TRPC7: variants seen among roughly 807,000 people sequenced by gnomAD.
TRPC7 encodes the protein transient receptor potential cation channel subfamily C member 7.
Under a neutral mutation model 90.1 loss-of-function variants are expected in TRPC7, and 42 were observed. The ratio of observed to expected loss-of-function variants is 0.47; its 90% CI spans 0.36 to 0.60. The LOEUF (loss-of-function observed/expected upper bound fraction) is 0.60. TRPC7 is among the 20% of genes least tolerant of loss of function. The pLI is 0.00. For synonymous variants in TRPC7, 451 were observed against 436.3 expected, an observed-to-expected ratio of 1.03 and a Z score of -0.42; for missense variants, 955 against 1,112.3, an observed-to-expected ratio of 0.86 and a Z score of 2.01.
At chr5:136,300,077 C>A (rs1011972030) in intron 3 of TRPC7, among the ~76,000 whole-genome samples, 1 of 152,184 alleles carries the variant, frequency 6.6e-6, no homozygotes, top group African/African-American at 2.4e-5. Context: ...TCCTTTCATG[C>A]AACTACTTAG....
rs763976807 is a variant in TRPC7, at chr5:136,356,747, T to C, written c.641A>G (p.His214Arg). ...TEKQRKDSFS[H>R]SRSRMNAYKG... ...GTAGGCGTTCATGCGCGAGCGCGAG[T>C]GGCTGAAGGAGTCTTTCCGCTGTTT... Residue 214 changes from histidine (H) to arginine (R), a missense_variant, in exon 2 of 12, where the codon CAC becomes CGC. Physicochemically the swap from His to Arg is conservative, Grantham distance 29. Around this residue, in one of 4 missense-constraint regions of TRPC7, gnomAD observed 484 missense variants for 509.6 expected, o/e 0.95. Coordinates refer to ENST00000513104, the MANE Select transcript of TRPC7 (RefSeq NM_020389.3). The C allele has an allele frequency of 6.2e-6, 10 of 1,612,184 alleles. No homozygotes were observed. The highest frequency in any genetic ancestry group is 7.6e-6 in the Non-Finnish European group (9 of 1,178,872).
intron 2 of TRPC7, among the ~76,000 whole-genome samples, chr5:136,334,203 T>A (rs1759582677): frequency 1.3e-5 from 2 of 152,204 alleles, no homozygotes; most frequent in Non-Finnish European, 2.9e-5. Context: ...GAAGATTGTG[T>A]CATGACTCAT....
chr5:136,330,347 C>A (rs536536879), intron 2 of TRPC7, among the ~76,000 whole-genome samples: 1 of 152,360 alleles, frequency 6.6e-6, no homozygotes, highest in Admixed American at 6.5e-5. Flanking sequence ...ATTCTCATGA[C>A]AAACCTAGGA....
chr5:136,243,554 G>C (rs1756236090), intron 7 of TRPC7, among the ~76,000 whole-genome samples: 1 of 152,100 alleles, frequency 6.6e-6, no homozygotes. Flanking sequence ...GGGATGGGCT[G>C]CTCTGGAGCA....
intron 3 of TRPC7, among the ~76,000 whole-genome samples, chr5:136,291,749 C>A (rs1462058267): frequency 6.6e-6 from 1 of 152,260 alleles, no homozygotes; most frequent in Admixed American, 6.5e-5. Flanking sequence ...AGAAAGTTAA[C>A]AAGGATATCC....
Position 136,247,221 on chromosome 5 carries a change from G to T in TRPC7, c.1844+250C>A, listed in dbSNP as rs1756368475. Among the ~76,000 whole-genome samples the T allele has an allele frequency of 8.5e-6, 1 of 118,156 alleles. No homozygotes were observed. The highest frequency in any genetic ancestry group is 3.3e-5 in the African/African-American group (1 of 29,882). 77.5% of individuals were successfully genotyped at this position (118,156 alleles called of 152,430 possible). On this transcript the variant is annotated intron_variant, in intron 7 of 11. Transcript: ENST00000513104. This position sits in a 1 kb window ranked among gnomAD's most constrained non-coding sequence, Gnocchi z 4.2. Reference sequence around the variant, plus strand: ...CCTAGAAAACGTAGCATTCCTACATGTGATTTTTTTTTTTCTAAATGGGAA... The same window carrying T: ...CCTAGAAAACGTAGCATTCCTACATTTGATTTTTTTTTTTCTAAATGGGAA...
At chr5:136,337,731 C>T (rs1352102785) in intron 2 of TRPC7, among the ~76,000 whole-genome samples, 1 of 150,762 alleles carries the variant, frequency 6.6e-6, no homozygotes, top group East Asian at 1.9e-4. Context: ...TATGAGAAAA[C>T]ATTGGGTGAA....
At chr5:136,245,352 T>C (rs1403315797) in intron 7 of TRPC7, among the ~76,000 whole-genome samples, 1 of 152,256 alleles carries the variant, frequency 6.6e-6, no homozygotes, top group South Asian at 2.1e-4. Context: ...AGCACCAGAG[T>C]CCCACTCTTT....
chr5:136,325,926 C>T (rs888589843), intron 2 of TRPC7, among the ~76,000 whole-genome samples: 2 of 152,234 alleles, frequency 1.3e-5, no homozygotes, highest in African/African-American at 2.4e-5. Flanking sequence ...CAACCCTCTC[C>T]CTTCCACCAG....
Position 136,274,664 on chromosome 5 carries a change from A to C in TRPC7, c.1128+9T>G. The C allele has an allele frequency of 6.2e-7, 1 of 1,607,434 alleles. No individual in the cohort carries two copies. The highest frequency in any genetic ancestry group is 8.5e-7 in the Non-Finnish European group (1 of 1,177,826). On this transcript the variant is annotated intron_variant, in intron 4 of 11. Coordinates refer to ENST00000513104, the MANE Select transcript of TRPC7 (RefSeq NM_020389.3). ...ACCGCAAACGACATGCACCTTAAGC[A>C]GTCTGTACCTTGCTGCACGGAGCAA...
chr5:136,266,565 C>T (rs995905685), intron 4 of TRPC7, 129 bp from the exon 5 acceptor site: 3 of 785,050 alleles, frequency 3.8e-6, no homozygotes, highest in African/African-American at 3.5e-5. Context: ...GCTAACTGAA[C>T]CCATACAACA....
At chr5:136,334,198 T>C (rs899780405) in intron 2 of TRPC7, among the ~76,000 whole-genome samples, 3 of 152,108 alleles carry the variant, frequency 2.0e-5, no homozygotes, top group African/African-American at 7.3e-5. Flanking sequence ...TTCCAGAAGA[T>C]TGTGTCATGA....
intron 3 of TRPC7, among the ~76,000 whole-genome samples, chr5:136,291,865 A>T (rs2149825007): frequency 6.6e-6 from 1 of 152,304 alleles, no homozygotes; most frequent in East Asian, 1.9e-4. Context: ...CACCACACCA[A>T]TTCCAAAATT....
intron 2 of TRPC7, among the ~76,000 whole-genome samples, chr5:136,316,383 G>C (rs76976836): frequency 6.6e-6 from 1 of 152,250 alleles, no homozygotes; most frequent in Non-Finnish European, 1.5e-5. Flanking sequence ...GTGCTTTTTT[G>C]TGTGCCAGAA....
chr5:136,271,764 G>T (rs959792992), intron 4 of TRPC7, among the ~76,000 whole-genome samples: 2 of 152,142 alleles, frequency 1.3e-5, no homozygotes, highest in African/African-American at 4.8e-5. Context: ...ATCATTATAC[G>T]TAGCCATCTG....
At chr5:136,278,918 A>C (rs996527194) in intron 3 of TRPC7, among the ~76,000 whole-genome samples, 1 of 151,992 alleles carries the variant, frequency 6.6e-6, no homozygotes, top group Admixed American at 6.6e-5. Context: ...CTCGTCTTCC[A>C]CTTGTGCATC....
At chr5:136,271,433 A>G (rs2149814302) in intron 4 of TRPC7, among the ~76,000 whole-genome samples, 1 of 152,292 alleles carries the variant, frequency 6.6e-6, no homozygotes, top group South Asian at 2.1e-4. Flanking sequence ...TTTGAAGATG[A>G]CTGTTATTTA....
chr5:136,291,905 C>T (rs13169331), intron 3 of TRPC7, among the ~76,000 whole-genome samples: 18,339 of 152,154 alleles, frequency 0.12, 1,147 homozygotes, highest in African/African-American at 0.14. Flanking sequence ...AAGCACTCCT[C>T]AGCAAATGTA....
chr5:136,282,039 A>G (rs1322738624), intron 3 of TRPC7, among the ~76,000 whole-genome samples: 1 of 152,220 alleles, frequency 6.6e-6, no homozygotes, highest in African/African-American at 2.4e-5. Context: ...TAGTTCAGAA[A>G]CTTTATCAAC....
Sources: gnomAD v4.1 joint callset for allele counts (sites outside exome capture counted in the v4.1 genomes callset) on GRCh38, gnomAD v4.1.1 for gene constraint, gnomAD v4.1.1 regional missense constraint, Gnocchi (gnomAD v3.1) non-coding constraint, MANE v1.5 for transcripts, NCBI Gene and HGNC (gene_info 2026-07-23, HGNC 2026-07-21) for gene names.